The following CSMD1 variants were observed in gnomAD, a reference collection of about 807,000 sequenced individuals.
CSMD1 encodes the protein CUB and Sushi multiple domains 1.
A neutral mutation model predicts 417.5 loss-of-function variants in CSMD1; 213 were observed. The ratio of observed to expected loss-of-function variants is 0.51; its 90% confidence interval spans 0.46 to 0.57. CSMD1 has a LOEUF of 0.57. CSMD1 is among the 20% of genes least tolerant of loss of function. The pLI, the probability that CSMD1 is intolerant of heterozygous loss-of-function variation, is 0.00. For synonymous variants in CSMD1, 2,862 were observed against 1,736.8 expected (o/e 1.65, Z -16.11); for missense variants, 6,923 against 4,529.7 (o/e 1.53, Z -15.17).
At chr8:3,077,571 T>G (rs1813774269) in intron 49 of CSMD1, among the ~76,000 whole-genome samples, 1 of 152,202 alleles carries the variant, frequency 6.6e-6, no homozygotes, top group African/African-American at 2.4e-5. Context: ...TCACTTCCTT[T>G]GAATTGTTTG....
intron 3 of CSMD1, among the ~76,000 whole-genome samples, chr8:4,153,995 A>T (rs1220338716): frequency 6.6e-6 from 1 of 152,168 alleles, no homozygotes; most frequent in African/African-American, 2.4e-5. Flanking sequence ...GAATCCAATG[A>T]TAGCTTTCCA....
chr8:2,939,471 T>A (rs1454681627), intron 69 of CSMD1, among the ~76,000 whole-genome samples: 4 of 152,208 alleles, frequency 2.6e-5, no homozygotes, highest in African/African-American at 9.6e-5. Context: ...ACGTACAATC[T>A]ATGATTAGAG....
At chr8:3,919,904 T>A (rs1186385973) in intron 5 of CSMD1, among the ~76,000 whole-genome samples, 1 of 152,118 alleles carries the variant, frequency 6.6e-6, no homozygotes, top group Non-Finnish European at 1.5e-5. Context: ...CAAAATGAGA[T>A]TTTTTTGGGA....
intron 3 of CSMD1, among the ~76,000 whole-genome samples, chr8:4,082,260 A>G (rs950393337): frequency 6.6e-6 from 1 of 152,196 alleles, no homozygotes; most frequent in South Asian, 2.1e-4. Flanking sequence ...ATTACAACCT[A>G]TTAAAACTAA....
chr8:3,305,523 T>G (rs1393854560), intron 25 of CSMD1, among the ~76,000 whole-genome samples: 3 of 152,052 alleles, frequency 2.0e-5, no homozygotes, highest in Admixed American at 6.6e-5. Flanking sequence ...GAGCCCCTGA[T>G]AAAAGGTTAA....
At chr8:3,751,866 T>C (rs1345374616) in intron 6 of CSMD1, among the ~76,000 whole-genome samples, 1 of 152,226 alleles carries the variant, frequency 6.6e-6, no homozygotes, top group Non-Finnish European at 1.5e-5. Context: ...CTGAGAGCTC[T>C]AGGAAAAGAT....
chr8:3,274,219 T>G (rs910258134), intron 26 of CSMD1, among the ~76,000 whole-genome samples: 61 of 151,972 alleles, frequency 4.0e-4, no homozygotes, highest in African/African-American at 1.4e-3. Flanking sequence ...TTGTTCAGTT[T>G]CCATGTAGTT....
intron 25 of CSMD1, among the ~76,000 whole-genome samples, chr8:3,285,771 T>C (rs1213987266): frequency 6.6e-6 from 1 of 151,908 alleles, no homozygotes; most frequent in African/African-American, 2.4e-5. Flanking sequence ...AATCATTGGT[T>C]CTTTCTCTTA....
chr8:3,214,212 C>A (rs1797767639), intron 30 of CSMD1, among the ~76,000 whole-genome samples: 1 of 151,960 alleles, frequency 6.6e-6, no homozygotes, highest in African/African-American at 2.4e-5. Context: ...ATTAGCACCT[C>A]TTATAAAGAA....
chr8:4,783,224 G>C (rs896891150), intron 1 of CSMD1, among the ~76,000 whole-genome samples: 5 of 152,126 alleles, frequency 3.3e-5, no homozygotes, highest in African/African-American at 9.7e-5. Context: ...ATTGTATTTC[G>C]TGAAACATAT....
At chr8:3,067,661 T>A (rs921119411) in intron 49 of CSMD1, among the ~76,000 whole-genome samples, 1 of 149,246 alleles carries the variant, frequency 6.7e-6, no homozygotes, top group African/African-American at 2.5e-5. Flanking sequence ...AATTAACATA[T>A]AATAAAAATT....
chr8:3,980,667 G>T (rs973057461), intron 5 of CSMD1, among the ~76,000 whole-genome samples: 14 of 152,012 alleles, frequency 9.2e-5, no homozygotes, highest in African/African-American at 3.1e-4. Context: ...AATATACAAG[G>T]GTTTCTGCCT....
intron 3 of CSMD1, among the ~76,000 whole-genome samples, chr8:4,310,166 G>A (rs147906237): frequency 1.6e-4 from 24 of 152,236 alleles, no homozygotes; most frequent in Admixed American, 4.6e-4. Context: ...CCCAGGTATT[G>A]CATCAGACCA....
At chr8:3,050,585 T>C (rs1585229236) in intron 50 of CSMD1, among the ~76,000 whole-genome samples, 1 of 152,216 alleles carries the variant, frequency 6.6e-6, no homozygotes, top group South Asian at 2.1e-4. Context: ...AACATACCAA[T>C]GTATCTTGCT....
intron 1 of CSMD1, among the ~76,000 whole-genome samples, chr8:4,841,930 A>AAAAAAAAAAAAAAAAAAAAAAAAAAAC (rs1192383183): frequency 1.6e-5 from 2 of 122,426 alleles, no homozygotes; most frequent in African/African-American, 3.3e-5. Context: ...AAAAAAAAAA[A>AAAAAAAAAAAAAAAAAAAAAAAAAAAC]AAAAAAAAGT....
At chr8:3,688,658 G>A (rs532433440) in intron 7 of CSMD1, among the ~76,000 whole-genome samples, 1 of 152,290 alleles carries the variant, frequency 6.6e-6, no homozygotes, top group East Asian at 1.9e-4. Context: ...TCAGTGAAAT[G>A]AAATTTCGTG....
chr8:4,666,143 T>C (rs916511079), intron 1 of CSMD1, among the ~76,000 whole-genome samples: 5 of 152,172 alleles, frequency 3.3e-5, no homozygotes, highest in Non-Finnish European at 5.9e-5. Context: ...GTGCCTGTCA[T>C]ACAGCACATC....
rs73658268 is a variant in CSMD1 at position 3,792,771 on chromosome 8, T to G, written c.819-38729A>C. 1.5e-3 allele frequency among the ~76,000 whole-genome samples: 231 copies of G among 152,326 alleles called. 1 individual carries two copies. Among genetic ancestry groups the G allele is most frequent in the African/African-American group, 4.8e-3 (200 of 41,570 alleles). On this transcript the variant is annotated intron_variant, in intron 5 of 69. Coordinates refer to ENST00000635120, the MANE Select transcript of CSMD1 (RefSeq NM_033225.6). ...TCTGATGTTGAGAACTGCCTTTTCA[T>G]GCTCTCTCTCACAATTTAAGGCATA...
intron 9 of CSMD1, among the ~76,000 whole-genome samples, chr8:3,575,911 C>T (rs975790311): frequency 2.0e-5 from 3 of 151,432 alleles, no homozygotes; most frequent in Non-Finnish European, 4.4e-5. Context: ...CTGGTTTTAA[C>T]ATTCATAATT....
Sources: gnomAD v4.1 joint callset for allele counts (sites outside exome capture counted in the v4.1 genomes callset) on GRCh38, gnomAD v4.1.1 for gene constraint, MANE v1.5 for transcripts, NCBI Gene and HGNC (gene_info 2026-07-23, HGNC 2026-07-21) for gene names.